PTPRD: variants seen among roughly 807,000 people sequenced by gnomAD.
PTPRD encodes the protein protein tyrosine phosphatase receptor type D, also known as receptor-type tyrosine-protein phosphatase delta.
A neutral mutation model predicts 214.5 loss-of-function variants in PTPRD; 34 were observed. That is an observed-to-expected ratio of 0.16 (90% CI 0.12 to 0.21). The LOEUF (loss-of-function observed/expected upper bound fraction) is 0.21, where lower values mean the gene tolerates loss of function less well. Among genes scored for constraint, PTPRD ranks in the 10% least tolerant of loss-of-function variants. PTPRD has a pLI of 1.00. For missense variants in PTPRD, 2,545 were observed against 2,398.7 expected, an observed-to-expected ratio of 1.06 and a Z score of -1.27; for synonymous variants, 1,128 against 845.7, an observed-to-expected ratio of 1.33 and a Z score of -5.79.
intron 11 of PTPRD, among the ~76,000 whole-genome samples, chr9:8,954,549 T>C (rs775112093): frequency 2.0e-5 from 3 of 150,428 alleles, no homozygotes; most frequent in Non-Finnish European, 4.4e-5. Flanking sequence ...AAAAAAGGCA[T>C]AGTACAATAA....
intron 11 of PTPRD, among the ~76,000 whole-genome samples, chr9:9,002,943 G>A (rs1056467074): frequency 6.6e-6 from 1 of 151,976 alleles, no homozygotes; most frequent in African/African-American, 2.4e-5. Flanking sequence ...ATAGCCTGTT[G>A]TTAAATGTTC....
At chr9:8,483,849 C>G (rs2096942079) in intron 30 of PTPRD, among the ~76,000 whole-genome samples, 1 of 152,140 alleles carries the variant, frequency 6.6e-6, no homozygotes, top group Non-Finnish European at 1.5e-5. Flanking sequence ...TAGTAAGAAC[C>G]ATGTTCTATA....
chr9:9,947,366 TATATATATTA>T (rs2092761101), intron 4 of PTPRD, among the ~76,000 whole-genome samples: 1 of 40,780 alleles, frequency 2.5e-5, no homozygotes, highest in African/African-American at 1.2e-4. Flanking sequence ...ATATATATTA[TATATATATTA>T]TATATATTTT....
intron 12 of PTPRD, among the ~76,000 whole-genome samples, chr9:8,714,086 T>C (rs1053573606): frequency 1.3e-5 from 2 of 152,158 alleles, no homozygotes; most frequent in Admixed American, 1.3e-4. Flanking sequence ...CGGCCCTAAT[T>C]AAAGCCTAAG....
chr9:9,699,254 G>A (rs2097443449), intron 7 of PTPRD, among the ~76,000 whole-genome samples: 1 of 151,428 alleles, frequency 6.6e-6, no homozygotes, highest in Non-Finnish European at 1.5e-5. Context: ...ACTGAGTTAT[G>A]TGAGACCTAG....
intron 5 of PTPRD, among the ~76,000 whole-genome samples, chr9:9,813,004 A>G (rs943814472): frequency 6.7e-6 from 1 of 148,348 alleles, no homozygotes; most frequent in African/African-American, 2.6e-5. Context: ...ATAAGAGGAG[A>G]AAATAGGAAA....
At chr9:10,238,540 T>G (rs1419791461) in intron 3 of PTPRD, among the ~76,000 whole-genome samples, 1 of 151,886 alleles carries the variant, frequency 6.6e-6, no homozygotes, top group Non-Finnish European at 1.5e-5. Context: ...CACTTAAAAT[T>G]TAAAGATTTG....
At chr9:8,345,453 G>A (rs973530801) in intron 39 of PTPRD, among the ~76,000 whole-genome samples, 1 of 152,026 alleles carries the variant, frequency 6.6e-6, no homozygotes, top group Non-Finnish European at 1.5e-5. Context: ...TAGAGCGCTC[G>A]TCTGTGATAT....
chr9:9,876,313 C>G (rs1490363385), intron 5 of PTPRD, among the ~76,000 whole-genome samples: 1 of 152,026 alleles, frequency 6.6e-6, no homozygotes, highest in African/African-American at 2.4e-5. Flanking sequence ...GAAACAATCA[C>G]TGAAAAGGTC....
In PTPRD at chr9:10,454,710, CATTA is replaced by C. The variant is rs1179513701; in HGVS notation, c.-599-113697_-599-113694del. ...CATTCTTAGCTTAATCCAGGATTTG[CATTA>C]ATTGTTTCCTCTTGCCTTTGGACCC... On this transcript the variant is annotated intron_variant, in intron 2 of 45. Coordinates refer to ENST00000381196, the MANE Select transcript of PTPRD (RefSeq NM_002839.4). 7.3e-5 allele frequency among the ~76,000 whole-genome samples: 11 copies of C among 151,656 alleles called. No homozygotes were observed. In the East Asian group the frequency reaches 1.7e-3, roughly 24 times the overall value.
At position 9,690,750 on chromosome 9, in the gene PTPRD, C is replaced by G. The variant is rs546434889; in HGVS notation, c.-287+43783G>C. On this transcript the variant is annotated intron_variant, in intron 7 of 45. Transcript: ENST00000381196. ...ATTTTGCCAATGTACACTTTCAACA[C>G]CTTTGTTGAAAATGAGTTGGCTGTA... is the stretch of plus-strand genomic sequence containing the variant. Among the ~76,000 whole-genome samples, 6 of 151,926 alleles carry G rather than the reference C, an allele frequency of 3.9e-5. No individual in the cohort carries two copies. The South Asian group carries it at 1.2e-3, about 32-fold the overall frequency.
At position 8,316,504 on chromosome 9, in the gene PTPRD, A is replaced by G. The variant is rs1449337642; in HGVS notation, c.*1370T>C. On this transcript the variant is annotated 3_prime_UTR_variant, in exon 46 of 46. Coordinates refer to ENST00000381196, the MANE Select transcript of PTPRD (RefSeq NM_002839.4). ...AATTTCATAGCACATACTATAGACA[A>G]TATACGATTGAATACACTTTTTTTA... 4.3e-6 allele frequency: 1 copy of G among 230,508 alleles called. No homozygotes were observed. The highest frequency in any genetic ancestry group is 8.6e-6 in the Non-Finnish European group (1 of 116,088). 14.3% of individuals were successfully genotyped at this position (230,508 alleles called of 1,614,324 possible).
intron 2 of PTPRD, among the ~76,000 whole-genome samples, chr9:10,488,885 G>T (rs1328080080): frequency 6.6e-6 from 1 of 152,222 alleles, no homozygotes; most frequent in Non-Finnish European, 1.5e-5. Flanking sequence ...GAGAGGTCCA[G>T]AAATGCAGTC....
At chr9:9,441,738 C>A (rs1031305647) in intron 8 of PTPRD, among the ~76,000 whole-genome samples, 1 of 152,088 alleles carries the variant, frequency 6.6e-6, no homozygotes, top group East Asian at 1.9e-4. Context: ...ATGAATTTGG[C>A]ATTAATGTCC....
At chr9:9,737,213 G>A (rs1355474569) in intron 6 of PTPRD, among the ~76,000 whole-genome samples, 2 of 152,112 alleles carry the variant, frequency 1.3e-5, no homozygotes, top group Non-Finnish European at 2.9e-5. Flanking sequence ...GCTTGGCTCT[G>A]TTTCTAGACA....
chr9:8,471,045 C>T lies in PTPRD; in HGVS notation c.3454G>A (p.Gly1152Arg), dbSNP rs201325763. 7 of 1,613,396 alleles carry T rather than the reference C, an allele frequency of 4.3e-6. No individual in the cohort carries two copies. Among genetic ancestry groups the T allele is most frequent in the South Asian group, 2.2e-5 (2 of 91,070 alleles). ...CTCTCCCATGGCTTGATAAATTTCC[C>T]GCGAGATTTCTTCAAAGGCACAATT... is the stretch of plus-strand genomic sequence containing the variant. Reference protein sequence around the residue: ...IIIVPLKKSRGKFIKPWESPD... With the variant: ...IIIVPLKKSRRKFIKPWESPD... The change falls in exon 31 of 46, where the codon GGG (glycine) becomes AGG (arginine). Residue 1152 changes from glycine to arginine, a missense_variant. By Grantham distance (125) the Gly-to-Arg change is moderately radical. Coordinates refer to ENST00000381196, the MANE Select transcript of PTPRD (RefSeq NM_002839.4).
At chr9:8,566,888 T>C (rs991155812) in intron 14 of PTPRD, among the ~76,000 whole-genome samples, 1 of 152,164 alleles carries the variant, frequency 6.6e-6, no homozygotes, top group Non-Finnish European at 1.5e-5. Flanking sequence ...CTTGGGTAGA[T>C]CTGGTCATCA....
At chr9:10,384,418 T>C (rs1298449636) in intron 2 of PTPRD, among the ~76,000 whole-genome samples, 1 of 151,758 alleles carries the variant, frequency 6.6e-6, no homozygotes, top group Non-Finnish European at 1.5e-5. Flanking sequence ...TTTCTGATTC[T>C]ATATGATCAA....
chr9:9,102,410 G>A (rs929157018), intron 10 of PTPRD, among the ~76,000 whole-genome samples: 1 of 152,164 alleles, frequency 6.6e-6, no homozygotes, highest in African/African-American at 2.4e-5. Flanking sequence ...CCAGAATCAC[G>A]CTGCGGGAAC....
Sources: allele counts gnomAD v4.1 joint callset (sites outside exome capture counted in the v4.1 genomes callset), GRCh38; gene constraint gnomAD v4.1.1; transcripts MANE v1.5; gene names NCBI Gene and HGNC (gene_info 2026-07-23, HGNC 2026-07-21).